The following ARHGEF33 variants were observed in gnomAD, a reference collection of about 807,000 sequenced individuals.
ARHGEF33 encodes DH and coiled-coil domain-containing protein ENSP00000381780.
Under a neutral mutation model 101.9 loss-of-function variants are expected in ARHGEF33, and 72 were observed. The ratio of observed to expected loss-of-function variants is 0.71; its 90% confidence interval spans 0.58 to 0.86. The LOEUF (loss-of-function observed/expected upper bound fraction) is 0.86. Among genes scored for constraint, ARHGEF33 ranks in the 40% least tolerant of loss-of-function variants. The probability of loss-of-function intolerance (pLI) is 0.00; values close to 1 mark genes in which losing one functional copy is unlikely to be tolerated. For missense variants in ARHGEF33, 1,169 were observed against 1,111.3 expected, an observed-to-expected ratio of 1.05 and a Z score of -0.74; for synonymous variants, 499 against 442.5, an observed-to-expected ratio of 1.13 and a Z score of -1.60.
chr2:38,928,415 T>C (rs1250089143), intron 4 of ARHGEF33, among the ~76,000 whole-genome samples: 1 of 152,208 alleles, frequency 6.6e-6, no homozygotes, highest in African/African-American at 2.4e-5. Flanking sequence ...AAACCTTCTT[T>C]CCTTTCAGAT....
chr2:38,905,773 G>A (rs749519217), intron 2 of ARHGEF33, among the ~76,000 whole-genome samples: 1 of 152,198 alleles, frequency 6.6e-6, no homozygotes, highest in Non-Finnish European at 1.5e-5. Flanking sequence ...GTGGGGCAGC[G>A]TGTGTGCCCT....
chr2:38,895,014 C>T (rs979730115), intron 1 of ARHGEF33, among the ~76,000 whole-genome samples: 1 of 152,024 alleles, frequency 6.6e-6, no homozygotes, highest in African/African-American at 2.4e-5. Context: ...TAAACAGATT[C>T]ACCCAGAATA....
In ARHGEF33 at chr2:38,911,033, A is replaced by G. The variant is rs573107779; in HGVS notation, c.-85-8330A>G. On this transcript the variant is annotated intron_variant, in intron 2 of 17. Coordinates refer to ENST00000409978, the MANE Select transcript of ARHGEF33 (RefSeq NM_001145451.5). ...GGAACGTGTGTTTGGCCCACTGCAC[A>G]GCATTGCCGTAGTGATCAAGTGAGA... 2.6e-5 allele frequency among the ~76,000 whole-genome samples: 4 copies of G among 152,342 alleles called. No individual in the cohort carries two copies. The East Asian group carries it at 7.7e-4, about 29-fold the overall frequency.
chr2:38,935,901 C>A, intron 8 of ARHGEF33, 67 bp downstream of exon 8: 1 of 1,253,308 alleles, frequency 8.0e-7, no homozygotes, highest in Non-Finnish European at 1.1e-6. Flanking sequence ...TCTATCTTCC[C>A]TGCTTCCACT....
chr2:38,959,004 C>T (rs1667845336), intron 15 of ARHGEF33, among the ~76,000 whole-genome samples: 1 of 152,224 alleles, frequency 6.6e-6, no homozygotes, highest in African/African-American at 2.4e-5. Flanking sequence ...CTCGGCCTCC[C>T]GAAGTCTTTA....
intron 8 of ARHGEF33, 118 bp from the exon 9 acceptor site, chr2:38,937,217 A>G: frequency 3.2e-6 from 2 of 619,366 alleles, no homozygotes; most frequent in South Asian, 3.9e-5. Context: ...GATGGTCTCA[A>G]TCTCCTGACT....
chr2:38,907,227 A>G (rs532901425), intron 2 of ARHGEF33, among the ~76,000 whole-genome samples: 140 of 152,076 alleles, frequency 9.2e-4, no homozygotes, highest in Non-Finnish European at 1.6e-3. Flanking sequence ...GCTGTGGACC[A>G]TTTTTCTAAC....
chr2:38,919,484 C>T lies in ARHGEF33; in HGVS notation c.25+12C>T, dbSNP rs1285444721. ...CAAAACAAAGCAAGGTCAGATTTTT[C>T]CTATGTCTTGCTTTAGGACTTAGGA... On this transcript the variant is annotated intron_variant, in intron 3 of 17. Transcript: ENST00000409978. 1 of 1,551,642 alleles carries T rather than the reference C, an allele frequency of 6.4e-7. No homozygotes were observed. Among genetic ancestry groups the T allele is most frequent in the South Asian group, 1.2e-5 (1 of 84,048 alleles).
At chr2:38,911,749 G>A (rs541458478) in intron 2 of ARHGEF33, among the ~76,000 whole-genome samples, 4 of 152,148 alleles carry the variant, frequency 2.6e-5, no homozygotes, top group Non-Finnish European at 5.9e-5. Flanking sequence ...TGTGGCTCAC[G>A]CCTGTAATTC....
intron 16 of ARHGEF33, among the ~76,000 whole-genome samples, chr2:38,962,155 A>G (rs1435749996): frequency 1.3e-5 from 2 of 152,188 alleles, no homozygotes; most frequent in Non-Finnish European, 2.9e-5. Context: ...CAAGCTTTGT[A>G]AAATTTGATT....
In ARHGEF33 at chr2:38,929,591, CTCATTCAT is replaced by C. The variant is rs147997395; in HGVS notation, c.241-102_241-95del. 1.6e-4 allele frequency: 126 copies of C among 798,850 alleles called. No homozygotes were observed. The African/African-American group carries it at 1.8e-3, about 12-fold the overall frequency. The allele number at this position is 798,850 out of a possible 1,614,324, so 49.5% of individuals were successfully genotyped here. A position where few individuals can be genotyped will look rare whatever the true frequency, so the allele number is the denominator to read the frequency against. ...ACGATGGAAGTAAATTTTTTAATCTCTCATTCATTCATTCATTCATTCAATAAATATGT... is the reference window on the plus strand; with the variant it reads ...ACGATGGAAGTAAATTTTTTAATCTCTCATTCATTCATTCAATAAATATGT... On this transcript the variant is annotated intron_variant, in intron 5 of 17. Transcript: ENST00000409978.
intron 2 of ARHGEF33, among the ~76,000 whole-genome samples, chr2:38,899,661 A>C (rs1666199996): frequency 6.6e-6 from 1 of 152,176 alleles, no homozygotes; most frequent in African/African-American, 2.4e-5. Context: ...GACTTTAGTT[A>C]ATATATTGTA....
chr2:38,951,382 A>G (rs1256268443), intron 11 of ARHGEF33, among the ~76,000 whole-genome samples: 1 of 152,216 alleles, frequency 6.6e-6, no homozygotes, highest in Non-Finnish European at 1.5e-5. Flanking sequence ...CTTCTAGTTC[A>G]TAACTTTCCA....
Position 38,935,647 on chromosome 2 carries a change from T to G in ARHGEF33, c.506-128T>G, listed in dbSNP as rs1572757449. On this transcript the variant is annotated intron_variant, in intron 7 of 17. Transcript: ENST00000409978. ...TTGCCACACTATACTGTAATTTCTT[T>G]TTTTTACTGCTCTGCCTCCCCCATG... is the stretch of plus-strand genomic sequence containing the variant. 3 of 678,966 alleles carry G rather than the reference T, an allele frequency of 4.4e-6. No homozygotes were observed. The East Asian group carries it at 8.3e-5, about 19-fold the overall frequency. The allele number at this position is 678,966 out of a possible 1,614,324, so 42.1% of individuals were successfully genotyped here. A position where few individuals can be genotyped will look rare whatever the true frequency, so the allele number is the denominator to read the frequency against.
chr2:38,964,668 G>A (rs1668015945), intron 16 of ARHGEF33, among the ~76,000 whole-genome samples: 1 of 151,862 alleles, frequency 6.6e-6, no homozygotes, highest in Non-Finnish European at 1.5e-5. Context: ...CAGGCAATGG[G>A]GAGCGGCTAT....
intron 4 of ARHGEF33, among the ~76,000 whole-genome samples, chr2:38,923,284 C>G (rs1270554481): frequency 6.6e-6 from 1 of 151,896 alleles, no homozygotes; most frequent in Non-Finnish European, 1.5e-5. Context: ...AGTCTGTTTA[C>G]TCCAAGCAAC....
At chr2:38,902,925 C>T (rs1378101362) in intron 2 of ARHGEF33, among the ~76,000 whole-genome samples, 1 of 152,054 alleles carries the variant, frequency 6.6e-6, no homozygotes, top group African/African-American at 2.4e-5. Flanking sequence ...GAAGGCCTTT[C>T]TAATAAAGTG....
chr2:38,965,894 AG>A, intron 16 of ARHGEF33, 111 bp from the exon 17 acceptor site: 1 of 1,304,696 alleles, frequency 7.7e-7, no homozygotes, highest in Admixed American at 2.4e-5. Flanking sequence ...GCCCACTGGT[AG>A]TCTTTTGGCA....
At chr2:38,949,766 A>G (rs1439047290) in intron 10 of ARHGEF33, among the ~76,000 whole-genome samples, 1 of 152,198 alleles carries the variant, frequency 6.6e-6, no homozygotes, top group East Asian at 1.9e-4. Flanking sequence ...GCTGTACAGG[A>G]AGCACGATGC....
Sources: gnomAD v4.1 joint callset for allele counts (sites outside exome capture counted in the v4.1 genomes callset) on GRCh38, gnomAD v4.1.1 for gene constraint, MANE v1.5 for transcripts, NCBI Gene and HGNC (gene_info 2026-07-23, HGNC 2026-07-21) for gene names.